The following PRKG1 variants were observed in gnomAD, a reference collection of about 807,000 sequenced individuals.
The protein encoded by PRKG1 is cGMP-dependent protein kinase 1.
In PRKG1, 35 loss-of-function variants were observed where a neutral mutation model predicts 88.1. That is an observed-to-expected ratio of 0.40 (90% CI 0.30 to 0.53). The LOEUF is 0.53. Ranked by LOEUF, PRKG1 falls within the 20% of genes least tolerant of loss-of-function variation. The probability of loss-of-function intolerance (pLI) is 0.59; values close to 1 mark genes in which losing one functional copy is unlikely to be tolerated. For missense variants in PRKG1, 540 were observed against 839.8 expected, an observed-to-expected ratio of 0.64 and a Z score of 4.41; for synonymous variants, 303 against 292.5, an observed-to-expected ratio of 1.04 and a Z score of -0.37.
At chr10:51,036,866 C>T (rs1843359773) in intron 1 of PRKG1, among the ~76,000 whole-genome samples, 1 of 152,140 alleles carries the variant, frequency 6.6e-6, no homozygotes, top group Non-Finnish European at 1.5e-5. Flanking sequence ...TAAATTATTG[C>T]ATTCAATAGT....
At chr10:51,277,194 C>T (rs1840146486) in intron 2 of PRKG1, among the ~76,000 whole-genome samples, 1 of 152,150 alleles carries the variant, frequency 6.6e-6, no homozygotes, top group Admixed American at 6.6e-5. Context: ...AGCCAGTTTT[C>T]CCAGTACCAT....
intron 3 of PRKG1, among the ~76,000 whole-genome samples, chr10:51,688,276 G>A (rs1030801178): frequency 3.5e-4 from 53 of 152,156 alleles, no homozygotes; most frequent in African/African-American, 1.2e-3. Context: ...AGGCTCCCAG[G>A]TGATGCTGGT....
At chr10:52,131,574 C>T (rs538030637) in intron 7 of PRKG1, among the ~76,000 whole-genome samples, 4 of 151,904 alleles carry the variant, frequency 2.6e-5, no homozygotes, top group South Asian at 2.1e-4. Flanking sequence ...TGGCTGGGCG[C>T]GGTGGCTCAC....
intron 12 of PRKG1, among the ~76,000 whole-genome samples, chr10:52,273,950 A>G (rs1841799401): frequency 6.6e-6 from 1 of 152,104 alleles, no homozygotes; most frequent in Non-Finnish European, 1.5e-5. Flanking sequence ...AACATTTGGC[A>G]TATCTAATGT....
chr10:52,293,481 G>C (rs1842314286), intron 17 of PRKG1, among the ~76,000 whole-genome samples: 1 of 152,122 alleles, frequency 6.6e-6, no homozygotes, highest in Admixed American at 6.6e-5. Context: ...GAACAAAGCT[G>C]GAGGCATCAC....
intron 9 of PRKG1, among the ~76,000 whole-genome samples, chr10:52,249,803 C>T (rs1278738526): frequency 6.6e-6 from 1 of 151,842 alleles, no homozygotes; most frequent in Non-Finnish European, 1.5e-5. Flanking sequence ...TAGCCTCAGC[C>T]TGGGTGACAC....
At chr10:51,391,250 T>G (rs2132647314) in intron 2 of PRKG1, among the ~76,000 whole-genome samples, 1 of 152,324 alleles carries the variant, frequency 6.6e-6, no homozygotes, top group East Asian at 1.9e-4. Flanking sequence ...ACTTACCTCC[T>G]GCAGAGTGAG....
intron 8 of PRKG1, among the ~76,000 whole-genome samples, chr10:52,140,232 T>A (rs1227662942): frequency 6.6e-6 from 1 of 152,216 alleles, no homozygotes; most frequent in Non-Finnish European, 1.5e-5. Flanking sequence ...GTAGTTGTCC[T>A]GCTCCAGTTT....
chr10:51,563,857 C>A (rs1405185362), intron 3 of PRKG1, among the ~76,000 whole-genome samples: 1 of 152,044 alleles, frequency 6.6e-6, no homozygotes, highest in Admixed American at 6.6e-5. Context: ...TTATCAAAGA[C>A]ATCATAATTT....
chr10:51,473,187 G>A (rs1384974467), intron 3 of PRKG1, among the ~76,000 whole-genome samples: 1 of 151,790 alleles, frequency 6.6e-6, no homozygotes, highest in Non-Finnish European at 1.5e-5. Flanking sequence ...ATCCAATTAT[G>A]TAATCCCTGA....
rs146978893 is a variant in PRKG1, at chr10:51,354,889, G to A, written c.479-112834G>A. The stretch of plus-strand genomic sequence containing the variant: ...AACAGATTAAGGGTCTTTCATCTGT[G>A]CTGTGTAGGCTCAGATGCTGACAGT... On this transcript the variant is annotated intron_variant, in intron 2 of 17. Transcript: ENST00000373980. Among the ~76,000 whole-genome samples the A allele has an allele frequency of 2.6e-5, 4 of 152,166 alleles. No individual in the cohort carries two copies. In the East Asian group the frequency reaches 7.8e-4, roughly 30 times the overall value.
intron 4 of PRKG1, among the ~76,000 whole-genome samples, chr10:51,852,106 T>TTA (rs547066670): frequency 0.02 from 3,072 of 150,466 alleles, 124 homozygotes; most frequent in African/African-American, 0.07. Flanking sequence ...AAACTTAGAC[T>TTA]TATATATATA....
intron 9 of PRKG1, among the ~76,000 whole-genome samples, chr10:52,244,903 C>T (rs1470554562): frequency 2.8e-5 from 1 of 35,460 alleles, no homozygotes; most frequent in East Asian, 2.9e-3. Context: ...TTTTAATAAA[C>T]TTTTTAAAAT....
At position 51,602,744 on chromosome 10, in the gene PRKG1, GTGTGTGTGT is replaced by G. The variant is rs1838644295; in HGVS notation, c.592+134909_592+134917del. Among the ~76,000 whole-genome samples the G allele has an allele frequency of 2.7e-5, 3 of 111,352 alleles. 1 individual carries two copies. Among genetic ancestry groups the G allele is most frequent in the African/African-American group, 1.4e-4 (3 of 20,818 alleles). The allele number at this position is 111,352 out of a possible 152,430, so 73.1% of individuals were successfully genotyped here. On this transcript the variant is annotated intron_variant, in intron 3 of 17. Transcript: ENST00000373980. ...TTGATTAATATATATGTGTGTGTGT[GTGTGTGTGT>G]GTGTGTGTGTGTGTGTGTGTGTGTG...
chr10:51,138,675 G>GCT (rs1845746747), intron 1 of PRKG1, among the ~76,000 whole-genome samples: 1 of 68,490 alleles, frequency 1.5e-5, no homozygotes, highest in South Asian at 6.0e-4. Context: ...ATTGAGTTTT[G>GCT]TTTTTTTTTT....
At chr10:52,035,452 G>A (rs1162956526) in intron 5 of PRKG1, among the ~76,000 whole-genome samples, 2 of 152,142 alleles carry the variant, frequency 1.3e-5, no homozygotes, top group Admixed American at 1.3e-4. Flanking sequence ...CTAGTGGCTT[G>A]TACTATAGCA....
chr10:51,432,679 G>T (rs889915725), intron 2 of PRKG1, among the ~76,000 whole-genome samples: 2 of 150,712 alleles, frequency 1.3e-5, no homozygotes, highest in Admixed American at 6.6e-5. Flanking sequence ...ACCTTAGGGT[G>T]TCTGCTTATA....
At chr10:51,769,848 G>A (rs10999353) in intron 3 of PRKG1, among the ~76,000 whole-genome samples, 16,357 of 151,270 alleles carry the variant, frequency 0.11, 1,003 homozygotes, top group African/African-American at 0.16. Flanking sequence ...CTGATGAGGG[G>A]AAAAAAAAGT....
intron 8 of PRKG1, among the ~76,000 whole-genome samples, chr10:52,144,509 G>A (rs1837674081): frequency 6.6e-6 from 1 of 152,142 alleles, no homozygotes; most frequent in South Asian, 2.1e-4. Flanking sequence ...TAGAGCTTAA[G>A]AGCCTTAACT....
Sources: allele counts gnomAD v4.1 joint callset (sites outside exome capture counted in the v4.1 genomes callset), GRCh38; gene constraint gnomAD v4.1.1; transcripts MANE v1.5; gene names NCBI Gene and HGNC (gene_info 2026-07-23, HGNC 2026-07-21).